The following FOXK2 variants were observed in gnomAD, a reference collection of about 807,000 sequenced individuals.
The protein encoded by FOXK2 is forkhead box protein K2.
FOXK2 carries 24 observed loss-of-function variants against 53.3 expected under a neutral mutation model. The observed-to-expected ratio is 0.45, with a 90% confidence interval of 0.33 to 0.63. FOXK2 has a LOEUF of 0.63. Ranked by LOEUF, FOXK2 falls within the 30% of genes least tolerant of loss-of-function variation. The pLI, the probability that FOXK2 is intolerant of heterozygous loss-of-function variation, is 0.03. For synonymous variants in FOXK2, 505 were observed against 407.1 expected (o/e 1.24, Z -2.89); for missense variants, 952 against 910.5 (o/e 1.05, Z -0.59).
intron 1 of FOXK2, among the ~76,000 whole-genome samples, chr17:82,544,944 G>A (rs1360466874): frequency 6.6e-6 from 1 of 151,536 alleles, no homozygotes; most frequent in Middle Eastern, 3.4e-3. Flanking sequence ...GTTGCTCTGC[G>A]TTTACGGAGA....
chr17:82,558,911 T>C (rs1289029028), intron 1 of FOXK2, among the ~76,000 whole-genome samples: 1 of 152,080 alleles, frequency 6.6e-6, no homozygotes, highest in Non-Finnish European at 1.5e-5. Flanking sequence ...CACGCCTGGC[T>C]AGTTTTTTGT....
At chr17:82,557,640 C>A (rs578145133) in intron 1 of FOXK2, among the ~76,000 whole-genome samples, 1 of 151,824 alleles carries the variant, frequency 6.6e-6, no homozygotes, top group Non-Finnish European at 1.5e-5. Context: ...CCACTGTGTC[C>A]GGCCTCTGCC....
chr17:82,532,214 G>A (rs2044478895), intron 1 of FOXK2, among the ~76,000 whole-genome samples: 1 of 151,412 alleles, frequency 6.6e-6, no homozygotes, highest in Non-Finnish European at 1.5e-5. Context: ...GCGCGTTCTC[G>A]GCTCACTGCA....
chr17:82,595,978 C>T (rs540435927), intron 8 of FOXK2: 22 of 1,185,886 alleles, frequency 1.9e-5, no homozygotes, highest in South Asian at 1.4e-4. Flanking sequence ...GATGCTGTTC[C>T]GAGTCAGCGT....
At chr17:82,585,824 C>G (rs2045131516) in intron 6 of FOXK2, 80 bp from the exon 7 acceptor site, 7 of 1,410,340 alleles carry the variant, frequency 5.0e-6, no homozygotes, top group Non-Finnish European at 6.8e-6. Flanking sequence ...TTGTATGTTG[C>G]TTGTCAGTGC....
intron 2 of FOXK2, among the ~76,000 whole-genome samples, chr17:82,564,592 C>G (rs2044833707): frequency 6.6e-6 from 1 of 151,814 alleles, no homozygotes; most frequent in Admixed American, 6.6e-5. Context: ...AAAGTCTGCC[C>G]TTTCAAAATT....
intron 1 of FOXK2, among the ~76,000 whole-genome samples, chr17:82,540,538 T>C (rs564090283): frequency 2.7e-4 from 41 of 152,282 alleles, no homozygotes; most frequent in Non-Finnish European, 2.5e-4. Flanking sequence ...GTTTGTCTAC[T>C]CATGCCCCTG....
chr17:82,570,238 C>A (rs899666370), intron 3 of FOXK2, among the ~76,000 whole-genome samples: 1 of 148,862 alleles, frequency 6.7e-6, no homozygotes, highest in Non-Finnish European at 1.5e-5. Context: ...AAAAGAGAGA[C>A]AAATTTGACT....
At chr17:82,584,746 A>AT (rs1314265040) in intron 6 of FOXK2, among the ~76,000 whole-genome samples, 3 of 152,084 alleles carry the variant, frequency 2.0e-5, no homozygotes, top group Non-Finnish European at 4.4e-5. Flanking sequence ...GGGTTTCACC[A>AT]TGTTGGCCAG....
chr17:82,589,347 T>C (rs188779616), intron 8 of FOXK2, among the ~76,000 whole-genome samples: 102 of 152,358 alleles, frequency 6.7e-4, no homozygotes, highest in Admixed American at 1.6e-3. Context: ...AGTCACATAC[T>C]TTAGGCTTAA....
At chr17:82,551,341 A>C (rs1184177101) in intron 1 of FOXK2, among the ~76,000 whole-genome samples, 1 of 150,604 alleles carries the variant, frequency 6.6e-6, no homozygotes, top group Non-Finnish European at 1.5e-5. Context: ...AAAAAAAAAT[A>C]AAAATAAACA....
intron 5 of FOXK2, among the ~76,000 whole-genome samples, chr17:82,583,724 T>G (rs1598227851): frequency 1.3e-5 from 2 of 152,038 alleles, no homozygotes; most frequent in African/African-American, 4.8e-5. Flanking sequence ...GGCTCCACCG[T>G]CAGTGCACGG....
intron 1 of FOXK2, among the ~76,000 whole-genome samples, chr17:82,533,726 A>T (rs1280058238): frequency 6.6e-6 from 1 of 151,956 alleles, no homozygotes; most frequent in Non-Finnish European, 1.5e-5. Context: ...ACCCTCATAT[A>T]TGCGGCCCAT....
At chr17:82,542,177 T>TGG (rs1555636251) in intron 1 of FOXK2, among the ~76,000 whole-genome samples, 25 of 148,746 alleles carry the variant, frequency 1.7e-4, no homozygotes, top group Non-Finnish European at 2.5e-4. Context: ...TTTTTTTTTT[T>TGG]TTTGAGACAG....
At chr17:82,542,824 C>T (rs574001952) in intron 1 of FOXK2, among the ~76,000 whole-genome samples, 5 of 151,982 alleles carry the variant, frequency 3.3e-5, no homozygotes, top group Non-Finnish European at 7.4e-5. Flanking sequence ...CGAGACCAGT[C>T]TAAGGAACAT....
intron 8 of FOXK2, chr17:82,600,714 A>G (rs2045373582): frequency 6.6e-6 from 1 of 152,250 alleles, no homozygotes; most frequent in African/African-American, 2.4e-5. Flanking sequence ...TTCTGCCCAC[A>G]CACCTCTGTG....
intron 1 of FOXK2, among the ~76,000 whole-genome samples, chr17:82,526,809 C>G (rs556999431): frequency 6.8e-6 from 1 of 146,424 alleles, no homozygotes; most frequent in Non-Finnish European, 1.5e-5. Flanking sequence ...CCAACCTGGG[C>G]GACAGAGCGA....
intron 8 of FOXK2, chr17:82,587,525 C>T (rs553552686): frequency 7.9e-5 from 40 of 508,042 alleles, no homozygotes; most frequent in East Asian, 7.8e-4. Context: ...AATACTCTCG[C>T]CTCTTGTAGA....
Position 82,586,293 on chromosome 17 carries a change from TCAAAGGTGGGCCGGG to T in FOXK2, c.1576+94_1576+108del, listed in dbSNP as rs1567985065. On this transcript the variant is annotated intron_variant, in intron 7 of 8. Transcript: ENST00000335255. ...GAGGAGAGGGGAGACCACAGGGAGG[TCAAAGGTGGGCCGGG>T]GGGGAAAGGAGGAGAGGGGAGACCA... is the stretch of plus-strand genomic sequence containing the variant. The T allele has an allele frequency of 2.3e-4, 60 of 259,514 alleles. 5 individuals carry two copies. Among genetic ancestry groups the T allele is most frequent in the South Asian group, 6.6e-4 (15 of 22,812 alleles). 16.1% of individuals were successfully genotyped at this position (259,514 alleles called of 1,614,324 possible).
Sources: allele counts gnomAD v4.1 joint callset (sites outside exome capture counted in the v4.1 genomes callset), GRCh38; gene constraint gnomAD v4.1.1; transcripts MANE v1.5; gene names NCBI Gene and HGNC (gene_info 2026-07-23, HGNC 2026-07-21).